Variants in HIPK2 observed in about 807,000 individuals in gnomAD.
The protein encoded by HIPK2 is homeodomain interacting protein kinase 2, also known as homeodomain-interacting protein kinase 2.
A neutral mutation model predicts 113.7 loss-of-function variants in HIPK2; 27 were observed. That is an observed-to-expected ratio of 0.24 (90% CI 0.17 to 0.33). HIPK2 has a LOEUF of 0.33. Among genes scored for constraint, HIPK2 ranks in the 10% least tolerant of loss-of-function variants. The pLI, the probability that HIPK2 is intolerant of heterozygous loss-of-function variation, is 1.00. For synonymous variants in HIPK2, 631 were observed against 642.2 expected, an observed-to-expected ratio of 0.98 and a Z score of 0.26; for missense variants, 1,257 against 1,588.0, an observed-to-expected ratio of 0.79 and a Z score of 3.54.
rs188113374 is a variant in HIPK2, at chr7:139,609,080, T to C, written c.2112+4122A>G. Among the ~76,000 whole-genome samples the C allele has an allele frequency of 2.8e-3, 431 of 152,334 alleles. 3 individuals carry two copies. Among genetic ancestry groups the C allele is most frequent in the Admixed American group, 4.4e-3 (68 of 15,300 alleles). ...TCAAAGGAGATTTTAGATCCTGACA[T>C]TTGACAAGTCAGATAAATTCAATAC... On this transcript the variant is annotated intron_variant, in intron 9 of 14. Transcript: ENST00000406875.
chr7:139,629,068 AGC>A, intron 4 of HIPK2, 29 bp from the exon 5 acceptor site: 2 of 1,544,418 alleles, frequency 1.3e-6, no homozygotes, highest in Non-Finnish European at 1.8e-6. Context: ...GCCAATTGGT[AGC>A]GTGACTTAGC....
At chr7:139,650,609 G>T (rs556729308) in intron 2 of HIPK2, among the ~76,000 whole-genome samples, 2 of 152,196 alleles carry the variant, frequency 1.3e-5, no homozygotes, top group African/African-American at 4.8e-5. Context: ...ACCCTGGTGT[G>T]GTCTCCTCTC....
At chr7:139,770,058 G>C (rs1796620318) in intron 1 of HIPK2, among the ~76,000 whole-genome samples, 2 of 152,180 alleles carry the variant, frequency 1.3e-5, no homozygotes, top group South Asian at 4.1e-4. Context: ...CTATCCTCCA[G>C]AAGTCCCTGC....
At chr7:139,702,830 T>G (rs1253435002) in intron 2 of HIPK2, among the ~76,000 whole-genome samples, 1 of 152,212 alleles carries the variant, frequency 6.6e-6, no homozygotes, top group African/African-American at 2.4e-5. Context: ...GCCATAATAG[T>G]TTGTCACTTC....
intron 6 of HIPK2, among the ~76,000 whole-genome samples, chr7:139,624,745 C>T (rs552988846): frequency 6.6e-6 from 1 of 152,332 alleles, no homozygotes; most frequent in African/African-American, 2.4e-5. Flanking sequence ...CTCTGGCTAG[C>T]CTCATCAGCT....
intron 2 of HIPK2, among the ~76,000 whole-genome samples, chr7:139,711,983 T>C (rs1034977499): frequency 6.6e-6 from 1 of 152,172 alleles, no homozygotes; most frequent in Admixed American, 6.5e-5. Flanking sequence ...TCCAGTTCTC[T>C]GAGGCAAGTC....
In HIPK2 at chr7:139,707,052, G is replaced by A. The variant is rs1457880761; in HGVS notation, c.1103+8880C>T. Among the ~76,000 whole-genome samples, 7 of 152,192 alleles carry A rather than the reference G, an allele frequency of 4.6e-5. No individual in the cohort carries two copies. The East Asian group carries it at 9.6e-4, about 21-fold the overall frequency. On this transcript the variant is annotated intron_variant, in intron 2 of 14. Transcript: ENST00000406875. Reference sequence around the variant, plus strand: ...CCTCAACCCCTGCGACCAGAGCCCCGCCTTTGGCCCTTCCCAGGCACACTC... The same window carrying A: ...CCTCAACCCCTGCGACCAGAGCCCCACCTTTGGCCCTTCCCAGGCACACTC...
At chr7:139,698,855 A>G (rs1396520817) in intron 2 of HIPK2, among the ~76,000 whole-genome samples, 7 of 152,204 alleles carry the variant, frequency 4.6e-5, no homozygotes, top group Admixed American at 4.6e-4. Flanking sequence ...GCTATAGAAC[A>G]AAAGTTCCAA....
chr7:139,749,376 T>C (rs1796242115), intron 1 of HIPK2, among the ~76,000 whole-genome samples: 1 of 152,224 alleles, frequency 6.6e-6, no homozygotes, highest in Non-Finnish European at 1.5e-5. Flanking sequence ...TCAGGCAGCA[T>C]GGAACAGAAA....
At chr7:139,667,894 G>A (rs551665675) in intron 2 of HIPK2, among the ~76,000 whole-genome samples, 141 of 152,146 alleles carry the variant, frequency 9.3e-4, no homozygotes, top group Non-Finnish European at 1.7e-3. Flanking sequence ...TTGGGAGGCC[G>A]AGATGGGTGG....
chr7:139,699,175 C>T (rs1794641014), intron 2 of HIPK2, among the ~76,000 whole-genome samples: 1 of 152,128 alleles, frequency 6.6e-6, no homozygotes, highest in Admixed American at 6.5e-5. Context: ...CACCCGCCAT[C>T]TCTCCCACCA....
intron 2 of HIPK2, among the ~76,000 whole-genome samples, chr7:139,669,312 T>C (rs576874276): frequency 3.9e-5 from 6 of 152,348 alleles, no homozygotes; most frequent in Admixed American, 2.0e-4. Context: ...ATTTGAGGCA[T>C]TGGTGATCTG....
At chr7:139,760,018 T>C (rs76253530) in intron 1 of HIPK2, among the ~76,000 whole-genome samples, 2 of 151,896 alleles carry the variant, frequency 1.3e-5, no homozygotes, top group African/African-American at 2.4e-5. Flanking sequence ...TTTTTTTTTT[T>C]CTGAGACAGA....
intron 1 of HIPK2, among the ~76,000 whole-genome samples, chr7:139,749,822 T>A (rs1040273091): frequency 6.6e-6 from 1 of 152,196 alleles, no homozygotes; most frequent in African/African-American, 2.4e-5. Flanking sequence ...CAGTTCATAC[T>A]GTCCTGGCAC....
At chr7:139,710,499 A>T (rs1335900436) in intron 2 of HIPK2, among the ~76,000 whole-genome samples, 3 of 152,194 alleles carry the variant, frequency 2.0e-5, no homozygotes, top group African/African-American at 7.2e-5. Context: ...GAATGACCAA[A>T]CATTTAAAAT....
chr7:139,613,434 G>C lies in HIPK2; in HGVS notation c.1991-111C>G, dbSNP rs1249698770. 2 of 1,317,556 alleles carry C rather than the reference G, an allele frequency of 1.5e-6. No individual in the cohort carries two copies. The highest frequency in any genetic ancestry group is 2.9e-5 in the African/African-American group (2 of 68,496). The allele number at this position is 1,317,556 out of a possible 1,614,324, so 81.6% of individuals were successfully genotyped here. A position where few individuals can be genotyped will look rare whatever the true frequency, so the allele number is the denominator to read the frequency against. ...CAACTTTCTGCTTCCCTTTGCACTG[G>C]TCACTGACAACAACCAGGTATTGCC... On this transcript the variant is annotated intron_variant, in intron 8 of 14. Transcript: ENST00000406875. This position sits in a 1 kb window ranked among gnomAD's most constrained non-coding sequence, Gnocchi z 4.2.
intron 2 of HIPK2, among the ~76,000 whole-genome samples, chr7:139,649,579 A>AT (rs1162882699): frequency 6.6e-6 from 1 of 151,836 alleles, no homozygotes; most frequent in Non-Finnish European, 1.5e-5. Context: ...TGCTGTTAGA[A>AT]TTCGGGGGGG....
chr7:139,692,030 A>C (rs1794421571), intron 2 of HIPK2, among the ~76,000 whole-genome samples: 1 of 152,222 alleles, frequency 6.6e-6, no homozygotes, highest in African/African-American at 2.4e-5. Flanking sequence ...ATATATTAAA[A>C]AATAAAACTT....
chr7:139,727,898 C>T (rs1264026922), intron 1 of HIPK2, among the ~76,000 whole-genome samples: 1 of 150,262 alleles, frequency 6.7e-6, no homozygotes, highest in African/African-American at 2.5e-5. Flanking sequence ...TAAAACAATT[C>T]AAAGAATCCT....
Sources: gnomAD v4.1 joint callset for allele counts (sites outside exome capture counted in the v4.1 genomes callset) on GRCh38, gnomAD v4.1.1 for gene constraint, Gnocchi (gnomAD v3.1) non-coding constraint, MANE v1.5 for transcripts, NCBI Gene and HGNC (gene_info 2026-07-23, HGNC 2026-07-21) for gene names.